Variants in GRM1 observed in about 807,000 individuals in gnomAD.
GRM1 encodes the protein metabotropic glutamate receptor 1.
In GRM1, 33 loss-of-function variants were observed where a neutral mutation model predicts 90.9. That is an observed-to-expected ratio of 0.36 (90% CI 0.28 to 0.49). The LOEUF (loss-of-function observed/expected upper bound fraction) is 0.49. GRM1 is among the 20% of genes least tolerant of loss of function. GRM1 has a pLI of 0.99. For synonymous variants in GRM1, 700 were observed against 613.2 expected, an observed-to-expected ratio of 1.14 and a Z score of -2.09; for missense variants, 1,190 against 1,534.3, an observed-to-expected ratio of 0.78 and a Z score of 3.75.
At chr6:146,166,230 T>C (rs892279846) in intron 2 of GRM1, among the ~76,000 whole-genome samples, 1 of 152,128 alleles carries the variant, frequency 6.6e-6, no homozygotes, top group Non-Finnish European at 1.5e-5. Context: ...CCTTAGACCA[T>C]CAATACAATT....
intron 2 of GRM1, among the ~76,000 whole-genome samples, chr6:146,222,869 G>C (rs1472630263): frequency 6.6e-6 from 1 of 151,994 alleles, no homozygotes; most frequent in Admixed American, 6.6e-5. Context: ...CATTAAATTG[G>C]GACCTTCAGA....
chr6:146,118,109 T>C (rs1207018517), intron 1 of GRM1, among the ~76,000 whole-genome samples: 9 of 151,078 alleles, frequency 6.0e-5, no homozygotes, highest in Admixed American at 4.0e-4. Context: ...TACATTTATT[T>C]ATTTATTTTT....
At chr6:146,349,354 T>C (rs1562628893) in intron 3 of GRM1, among the ~76,000 whole-genome samples, 1 of 151,942 alleles carries the variant, frequency 6.6e-6, no homozygotes, top group Non-Finnish European at 1.5e-5. Context: ...GTGCTGGGAT[T>C]ACAGGCGTGA....
At chr6:146,144,142 T>G (rs1419316695) in intron 1 of GRM1, among the ~76,000 whole-genome samples, 1 of 152,198 alleles carries the variant, frequency 6.6e-6, no homozygotes, top group Non-Finnish European at 1.5e-5. Context: ...GCTCTCTTCC[T>G]GGCTTGCAGA....
At chr6:146,140,955 A>G (rs966056032) in intron 1 of GRM1, among the ~76,000 whole-genome samples, 1 of 152,154 alleles carries the variant, frequency 6.6e-6, no homozygotes, top group Non-Finnish European at 1.5e-5. Flanking sequence ...CTGTGTACCT[A>G]CTAGTACCAG....
intron 2 of GRM1, among the ~76,000 whole-genome samples, chr6:146,287,320 C>A (rs1008229178): frequency 6.6e-6 from 1 of 152,128 alleles, no homozygotes; most frequent in Non-Finnish European, 1.5e-5. Flanking sequence ...CTAGATAAGT[C>A]CTTCTCTGGG....
At chr6:146,166,007 A>G (rs1777891134) in intron 2 of GRM1, among the ~76,000 whole-genome samples, 1 of 152,116 alleles carries the variant, frequency 6.6e-6, no homozygotes, top group Non-Finnish European at 1.5e-5. Flanking sequence ...CATTGAGGAA[A>G]AGGATTTCTG....
intron 2 of GRM1, among the ~76,000 whole-genome samples, chr6:146,184,172 GT>G (rs575954833): frequency 1.1e-3 from 174 of 152,216 alleles, no homozygotes; most frequent in African/African-American, 4.0e-3. Context: ...TGGGCACTTG[GT>G]TTTTCCCTAA....
At chr6:146,408,250 C>T (rs1301825234) in intron 7 of GRM1, among the ~76,000 whole-genome samples, 1 of 152,160 alleles carries the variant, frequency 6.6e-6, no homozygotes, top group Non-Finnish European at 1.5e-5. Flanking sequence ...TCCAAAGGCC[C>T]TACCTCTTCA....
chr6:146,066,606 T>C (rs1333720815), intron 1 of GRM1, among the ~76,000 whole-genome samples: 1 of 152,208 alleles, frequency 6.6e-6, no homozygotes, highest in Admixed American at 6.5e-5. Flanking sequence ...GTAGTTGAAC[T>C]CTCAGTTCTT....
At chr6:146,068,393 A>G (rs182039949) in intron 1 of GRM1, among the ~76,000 whole-genome samples, 3 of 152,308 alleles carry the variant, frequency 2.0e-5, no homozygotes, top group East Asian at 3.9e-4. Flanking sequence ...GATTACAGGC[A>G]TGAGCCACCG....
chr6:146,073,060 G>T (rs960739928), intron 1 of GRM1, among the ~76,000 whole-genome samples: 1 of 151,860 alleles, frequency 6.6e-6, no homozygotes, highest in Non-Finnish European at 1.5e-5. Flanking sequence ...TCTTTTTTTG[G>T]GGGGAGATGA....
chr6:146,351,896 G>A (rs1396121633), intron 3 of GRM1, among the ~76,000 whole-genome samples: 1 of 152,202 alleles, frequency 6.6e-6, no homozygotes, highest in African/African-American at 2.4e-5. Context: ...CATGATATAG[G>A]AAGATATTTA....
intron 2 of GRM1, among the ~76,000 whole-genome samples, chr6:146,195,238 T>C (rs939198872): frequency 6.6e-6 from 1 of 152,200 alleles, no homozygotes; most frequent in African/African-American, 2.4e-5. Context: ...AAAGTGGTAA[T>C]TTAATTTTAA....
chr6:146,345,270 A>G (rs531511293), intron 3 of GRM1, among the ~76,000 whole-genome samples: 1 of 152,340 alleles, frequency 6.6e-6, no homozygotes, highest in African/African-American at 2.4e-5. Context: ...CAGCTGAAGG[A>G]TACTCTTTAA....
At chr6:146,293,925 T>A (rs910266018) in intron 2 of GRM1, among the ~76,000 whole-genome samples, 3 of 151,610 alleles carry the variant, frequency 2.0e-5, no homozygotes, top group Non-Finnish European at 3.0e-5. Flanking sequence ...TTAAAAAAAA[T>A]TTATCCTGTA....
intron 7 of GRM1, among the ~76,000 whole-genome samples, chr6:146,403,425 T>TAAAGGCATCAAC (rs924721214): frequency 6.6e-6 from 1 of 152,110 alleles, no homozygotes; most frequent in Admixed American, 6.6e-5. Flanking sequence ...CTTTCCTCCC[T>TAAAGGCATCAAC]AAAGGCATCA....
intron 3 of GRM1, among the ~76,000 whole-genome samples, chr6:146,341,924 G>C (rs1250849311): frequency 6.6e-6 from 1 of 152,158 alleles, no homozygotes; most frequent in Non-Finnish European, 1.5e-5. Context: ...AACCATGACT[G>C]TATGCCTGCC....
chr6:146,070,968 T>A (rs369416901), intron 1 of GRM1, among the ~76,000 whole-genome samples: 1 of 152,338 alleles, frequency 6.6e-6, no homozygotes, highest in African/African-American at 2.4e-5. Context: ...CTGCTAATTT[T>A]AATTCACTAA....
Sources: allele counts gnomAD v4.1 joint callset (sites outside exome capture counted in the v4.1 genomes callset), GRCh38; gene constraint gnomAD v4.1.1; transcripts MANE v1.5; gene names NCBI Gene and HGNC (gene_info 2026-07-23, HGNC 2026-07-21).